The following TMCC1 variants were observed in gnomAD, a reference collection of about 807,000 sequenced individuals.
TMCC1 encodes transmembrane and coiled-coil domain family 1.
A neutral mutation model predicts 52.4 loss-of-function variants in TMCC1; 15 were observed. That is an observed-to-expected ratio of 0.29 (90% CI 0.19 to 0.44). The LOEUF (loss-of-function observed/expected upper bound fraction) is 0.44, where lower values mean the gene tolerates loss of function less well. Among genes scored for constraint, TMCC1 ranks in the 20% least tolerant of loss-of-function variants. TMCC1 has a pLI of 1.00. For synonymous variants in TMCC1, 279 were observed against 301.9 expected, an observed-to-expected ratio of 0.92 and a Z score of 0.79; for missense variants, 503 against 806.0, an observed-to-expected ratio of 0.62 and a Z score of 4.55.
chr3:129,818,295 T>C (rs2058207462), intron 4 of TMCC1, among the ~76,000 whole-genome samples: 1 of 152,116 alleles, frequency 6.6e-6, no homozygotes, highest in Admixed American at 6.5e-5. Flanking sequence ...TTTAAATTTC[T>C]GTGATCAGCA....
intron 4 of TMCC1, among the ~76,000 whole-genome samples, chr3:129,745,913 T>TAA (rs772638388): frequency 1.5e-5 from 2 of 136,118 alleles, no homozygotes; most frequent in Non-Finnish European, 1.6e-5. Flanking sequence ...AGACTCTCCC[T>TAA]AAAAAAAAAA....
At chr3:129,884,008 G>T (rs1280677402) in intron 1 of TMCC1, among the ~76,000 whole-genome samples, 1 of 152,090 alleles carries the variant, frequency 6.6e-6, no homozygotes, top group African/African-American at 2.4e-5. Flanking sequence ...AGAAGATGGT[G>T]AAACAGCATC....
intron 2 of TMCC1, among the ~76,000 whole-genome samples, chr3:129,842,713 G>A (rs1458178475): frequency 6.6e-6 from 1 of 152,008 alleles, no homozygotes; most frequent in South Asian, 2.1e-4. Flanking sequence ...GACCATAATA[G>A]AATAAAACTA....
chr3:129,779,615 T>C (rs894072778), intron 4 of TMCC1, among the ~76,000 whole-genome samples: 2 of 152,220 alleles, frequency 1.3e-5, no homozygotes, highest in Non-Finnish European at 2.9e-5. Context: ...GATTTACCTC[T>C]TTGAATTCTT....
chr3:129,710,164 C>T (rs533133784), intron 4 of TMCC1, among the ~76,000 whole-genome samples: 2 of 148,104 alleles, frequency 1.4e-5, no homozygotes, highest in South Asian at 2.2e-4. Context: ...CCAGCCTGGG[C>T]GACAGAGCGA....
At chr3:129,680,899 C>CAAA (rs201733649) in intron 4 of TMCC1, among the ~76,000 whole-genome samples, 1 of 100,936 alleles carries the variant, frequency 9.9e-6, no homozygotes, top group African/African-American at 3.7e-5. Context: ...GACTCTGTCT[C>CAAA]AAAAAAAAAA....
chr3:129,667,717 C>T (rs925486519), intron 5 of TMCC1, among the ~76,000 whole-genome samples: 36 of 152,290 alleles, frequency 2.4e-4, no homozygotes, highest in African/African-American at 7.2e-4. Context: ...GAGCAGCTAA[C>T]GTTCTGTCCT....
chr3:129,851,417 A>T (rs2059910405), intron 2 of TMCC1, among the ~76,000 whole-genome samples: 1 of 152,260 alleles, frequency 6.6e-6, no homozygotes, highest in South Asian at 2.1e-4. Flanking sequence ...TTCAAAAAAA[A>T]TCTGCTTAGT....
chr3:129,675,503 T>C (rs555595324), intron 4 of TMCC1, among the ~76,000 whole-genome samples: 1 of 152,348 alleles, frequency 6.6e-6, no homozygotes, highest in East Asian at 1.9e-4. Context: ...ACTGAGTAAG[T>C]TGTTAGCACT....
intron 2 of TMCC1, among the ~76,000 whole-genome samples, chr3:129,868,700 A>C (rs1189149651): frequency 6.6e-6 from 1 of 152,202 alleles, no homozygotes; most frequent in Non-Finnish European, 1.5e-5. Context: ...TTGGCCTTCC[A>C]AAGTGCTAGG....
Position 129,697,312 on chromosome 3 carries a change from C to T in TMCC1, c.577-26048G>A, listed in dbSNP as rs527450806. On this transcript the variant is annotated intron_variant, in intron 4 of 6. Coordinates refer to ENST00000393238, the MANE Select transcript of TMCC1 (RefSeq NM_001017395.5). ...AGCTACCAAGGTATAGGGCCTTCAC[C>T]CTCCAAAGCCATGGCCTGAACTGTA... is the stretch of plus-strand genomic sequence containing the variant. Among the ~76,000 whole-genome samples, 3 of 152,278 alleles carry T rather than the reference C, an allele frequency of 2.0e-5. No individual in the cohort carries two copies. The East Asian group carries it at 5.8e-4, about 29-fold the overall frequency.
At chr3:129,849,685 G>A (rs781573444) in intron 2 of TMCC1, among the ~76,000 whole-genome samples, 17 of 150,284 alleles carry the variant, frequency 1.1e-4, no homozygotes, top group Non-Finnish European at 2.4e-4. Context: ...AGAATGGCAC[G>A]AAGCTGGGAG....
intron 1 of TMCC1, among the ~76,000 whole-genome samples, chr3:129,881,306 A>G (rs1297625954): frequency 6.6e-6 from 1 of 152,206 alleles, no homozygotes; most frequent in Non-Finnish European, 1.5e-5. Context: ...TCTCTCTGAT[A>G]ATAGTAAAGA....
intron 4 of TMCC1, among the ~76,000 whole-genome samples, chr3:129,705,994 G>A (rs1329110520): frequency 1.3e-5 from 2 of 150,702 alleles, no homozygotes; most frequent in Non-Finnish European, 2.9e-5. Flanking sequence ...AGGTTCAAGC[G>A]ATTCTCCTGC....
intron 4 of TMCC1, among the ~76,000 whole-genome samples, chr3:129,821,775 G>C (rs1302550532): frequency 6.6e-6 from 1 of 152,130 alleles, no homozygotes; most frequent in African/African-American, 2.4e-5. Context: ...CTAAATATAA[G>C]AGTCCGTGGC....
chr3:129,797,434 A>G (rs951318425), intron 4 of TMCC1, among the ~76,000 whole-genome samples: 13 of 152,190 alleles, frequency 8.5e-5, no homozygotes, highest in African/African-American at 2.9e-4. Context: ...AAATTACCTA[A>G]CCAAAATGTA....
Position 129,670,546 on chromosome 3 carries a change from C to T in TMCC1, c.1295G>A (p.Gly432Glu). 2 of 1,614,166 alleles carry T rather than the reference C, an allele frequency of 1.2e-6. No individual in the cohort carries two copies. Among genetic ancestry groups the T allele is most frequent in the Non-Finnish European group, 1.7e-6 (2 of 1,180,032 alleles). ...GATGCCCCCTGTGGTGCTGTTGGCT[C>T]CCACTGAGCCTGAAGTGGCACTAGA... ...DCSSATSGSV[G>E]ANSTTGGIAV... Residue 432 changes from glycine to glutamate, a missense_variant, in exon 5 of 7, where the codon GGA (glycine) becomes GAA (glutamate). Transcript: ENST00000393238.
chr3:129,655,768 A>C (rs766519206), intron 5 of TMCC1, among the ~76,000 whole-genome samples: 3 of 152,242 alleles, frequency 2.0e-5, no homozygotes. Context: ...ATGATTTCCC[A>C]TATGGAGAAG....
At chr3:129,683,115 A>G (rs1021164810) in intron 4 of TMCC1, among the ~76,000 whole-genome samples, 2 of 152,232 alleles carry the variant, frequency 1.3e-5, no homozygotes, top group African/African-American at 4.8e-5. Context: ...GATTACAGGC[A>G]TGAGCCACTA....
Sources: allele counts gnomAD v4.1 joint callset (sites outside exome capture counted in the v4.1 genomes callset), GRCh38; gene constraint gnomAD v4.1.1; transcripts MANE v1.5; gene names NCBI Gene and HGNC (gene_info 2026-07-23, HGNC 2026-07-21).